C2orf42: variants seen among roughly 807,000 people sequenced by gnomAD.
C2orf42 encodes the protein uncharacterized protein C2orf42.
Under a neutral mutation model 58.9 loss-of-function variants are expected in C2orf42, and 44 were observed. That is an observed-to-expected ratio of 0.75 (90% CI 0.59 to 0.96). The LOEUF is 0.96. C2orf42 is among the 40% of genes least tolerant of loss of function. The probability of loss-of-function intolerance (pLI) is 0.00; values close to 1 mark genes in which losing one functional copy is unlikely to be tolerated. For missense variants in C2orf42, 630 were observed against 699.2 expected (o/e 0.90, Z 1.12); for synonymous variants, 239 against 265.4 (o/e 0.90, Z 0.97).
intron 7 of C2orf42, 126 bp from the exon 8 acceptor site, chr2:70,165,318 A>C (rs1414205482): frequency 6.1e-6 from 4 of 651,484 alleles, no homozygotes; most frequent in Non-Finnish European, 1.1e-5. Flanking sequence ...TTTAAAAAGA[A>C]ATTCTAGAGG....
intron 9 of C2orf42, among the ~76,000 whole-genome samples, chr2:70,159,360 G>A (rs997330415): frequency 4.7e-4 from 71 of 151,720 alleles, no homozygotes; most frequent in Non-Finnish European, 5.9e-4. Context: ...GGCCGAGGTG[G>A]GCAGATTGCC....
At chr2:70,173,079 C>A (rs1321343059) in intron 5 of C2orf42, among the ~76,000 whole-genome samples, 1 of 151,906 alleles carries the variant, frequency 6.6e-6, no homozygotes, top group African/African-American at 2.4e-5. Context: ...ACGAGATGAA[C>A]CTGGGAGGCG....
chr2:70,160,769 G>C lies in C2orf42; in HGVS notation c.1372C>G (p.Arg458Gly). 1 of 1,597,180 alleles carries C rather than the reference G, an allele frequency of 6.3e-7. No homozygotes were observed. The highest frequency in any genetic ancestry group is 8.5e-7 in the Non-Finnish European group (1 of 1,174,780). The change falls in exon 9 of 10, where the codon CGT becomes GGT. Residue 458 changes from arginine to glycine, a missense_variant. Arg to Gly is a moderately radical substitution (Grantham distance 125). Coordinates refer to ENST00000264434, the MANE Select transcript of C2orf42 (RefSeq NM_017880.3). ...DTPEMPLEITRSFIQNRDGTY... is the reference protein window; with the variant it reads ...DTPEMPLEITGSFIQNRDGTY... ...CCATCTCGGTTCTGGATAAAGCTAC[G>C]GGTGATTTCCAAGGGCATCTGGACA...
At chr2:70,178,346 C>A (rs956751532) in intron 4 of C2orf42, among the ~76,000 whole-genome samples, 1 of 152,192 alleles carries the variant, frequency 6.6e-6, no homozygotes, top group South Asian at 2.1e-4. Context: ...GTGGCTCACA[C>A]CTGTAATCCC....
chr2:70,152,953 A>T (rs746985935), intron 9 of C2orf42, among the ~76,000 whole-genome samples: 1 of 151,932 alleles, frequency 6.6e-6, no homozygotes, highest in Non-Finnish European at 1.5e-5. Flanking sequence ...GAATTGCTTG[A>T]ACCTGGGAGG....
chr2:70,187,714 G>A (rs1463914533), intron 1 of C2orf42, among the ~76,000 whole-genome samples: 2 of 151,092 alleles, frequency 1.3e-5, no homozygotes, highest in East Asian at 1.9e-4. Context: ...AAATTGAGAC[G>A]GAGTCTCACT....
rs373338060 is a variant in C2orf42, at chr2:70,184,728, G to C, written c.-281-1793C>G. On this transcript the variant is annotated intron_variant, in intron 1 of 9. Transcript: ENST00000264434. ...ACTCCTGGGCTCAAGCAATCCTCCT[G>C]CCTCGGCCTCCCAAAGTTCTGGGAT... Among the ~76,000 whole-genome samples, 22 of 152,096 alleles carry C rather than the reference G, an allele frequency of 1.4e-4. No homozygotes were observed. In the East Asian group the frequency reaches 3.3e-3, roughly 23 times the overall value.
chr2:70,162,190 T>C (rs1349667859), intron 8 of C2orf42, among the ~76,000 whole-genome samples: 1 of 151,758 alleles, frequency 6.6e-6, no homozygotes, highest in Admixed American at 6.6e-5. Flanking sequence ...TTTTGTATTC[T>C]AGTAGAGACG....
At chr2:70,155,107 G>A (rs921656519) in intron 9 of C2orf42, among the ~76,000 whole-genome samples, 4 of 152,138 alleles carry the variant, frequency 2.6e-5, no homozygotes, top group Non-Finnish European at 5.9e-5. Flanking sequence ...AGCTGGGCAT[G>A]ATGGCACAGG....
At chr2:70,151,929 A>G (rs1245035198) in intron 9 of C2orf42, among the ~76,000 whole-genome samples, 1 of 151,950 alleles carries the variant, frequency 6.6e-6, no homozygotes, top group Non-Finnish European at 1.5e-5. Context: ...GGCACGCACC[A>G]CCATGTCCAG....
At chr2:70,158,684 G>C (rs1235867673) in intron 9 of C2orf42, among the ~76,000 whole-genome samples, 1 of 151,582 alleles carries the variant, frequency 6.6e-6, no homozygotes, top group African/African-American at 2.4e-5. Flanking sequence ...TCCTGACCTC[G>C]TGATCTGCCC....
intron 6 of C2orf42, 51 bp from the exon 7 acceptor site, chr2:70,165,686 C>G: frequency 2.1e-6 from 2 of 967,624 alleles, no homozygotes; most frequent in South Asian, 2.6e-5. Context: ...AGTGGACTTT[C>G]TGATGTACAG....
chr2:70,189,887 A>G (rs1053702431), intron 1 of C2orf42, among the ~76,000 whole-genome samples: 1 of 151,696 alleles, frequency 6.6e-6, no homozygotes, highest in Admixed American at 6.6e-5. Context: ...TACACTGTGG[A>G]GTGAAAAAAG....
At chr2:70,179,732 T>C in intron 3 of C2orf42, 90 bp from the exon 4 acceptor site, 1 of 496,026 alleles carries the variant, frequency 2.0e-6, no homozygotes, top group Non-Finnish European at 3.6e-6. Context: ...AATTTCTTTT[T>C]AAAAATCCCC....
chr2:70,190,464 A>G (rs1675275147), intron 1 of C2orf42: 1 of 152,264 alleles, frequency 6.6e-6, no homozygotes, highest in Admixed American at 6.5e-5. Flanking sequence ...TGTGAGGTAG[A>G]TACTATGTTA....
intron 5 of C2orf42, among the ~76,000 whole-genome samples, 200 bp downstream of exon 5, chr2:70,175,473 G>C (rs1293304693): frequency 6.6e-6 from 1 of 152,154 alleles, no homozygotes; most frequent in South Asian, 2.1e-4. Context: ...GCATTAGTTT[G>C]CTAAGGATAA....
In C2orf42 at chr2:70,184,673, G is replaced by A. The variant is rs369400863; in HGVS notation, c.-281-1738C>T. On this transcript the variant is annotated intron_variant, in intron 1 of 9. Transcript: ENST00000264434. ...TTATAAATTTTTTATAGAGATGGGG[G>A]TCTCACTATGTTGCCCAGGCTGGCT... is the stretch of plus-strand genomic sequence containing the variant. 2.6e-5 allele frequency among the ~76,000 whole-genome samples: 4 copies of A among 151,378 alleles called. No homozygotes were observed. The East Asian group carries it at 7.8e-4, about 29-fold the overall frequency.
chr2:70,182,045 A>C lies in C2orf42; in HGVS notation c.-12-48T>G, dbSNP rs955097461. On this transcript the variant is annotated intron_variant, in intron 2 of 9. Transcript: ENST00000264434. ...CAGTATGAGTATACCTTCACACACA[A>C]AAAGTTAAAATCACTTATGATATTT... 6 of 833,082 alleles carry C rather than the reference A, an allele frequency of 7.2e-6. No homozygotes were observed. The Admixed American group carries it at 1.1e-4, about 15-fold the overall frequency. 51.6% of individuals were successfully genotyped at this position (833,082 alleles called of 1,614,324 possible). A position where few individuals can be genotyped will look rare whatever the true frequency, so the allele number is the denominator to read the frequency against.
At position 70,169,625 on chromosome 2, in the gene C2orf42, A is replaced by G; in HGVS notation, c.1076T>C (p.Leu359Ser). ...ACTGGCCAGCCAGTCTTGGAAGGAT[A>G]AAGTCACTTGTGCCTCATCTAACAG... Reference protein sequence around the residue: ...GQLLDEAQVTLSFQDWLASVT... With the variant: ...GQLLDEAQVTSSFQDWLASVT... Residue 359 changes from leucine to serine, a missense_variant, in exon 6 of 10, where the codon TTA becomes TCA. Transcript: ENST00000264434. 6.2e-7 allele frequency: 1 copy of G among 1,610,692 alleles called. No homozygotes were observed. Among genetic ancestry groups the G allele is most frequent in the South Asian group, 1.1e-5 (1 of 91,012 alleles).
Sources: allele counts gnomAD v4.1 joint callset (sites outside exome capture counted in the v4.1 genomes callset), GRCh38; gene constraint gnomAD v4.1.1; transcripts MANE v1.5; gene names NCBI Gene and HGNC (gene_info 2026-07-23, HGNC 2026-07-21).